Variants in AK7 observed in about 807,000 individuals in gnomAD.
The protein encoded by AK7 is ATP-AMP transphosphorylase 7.
Under a neutral mutation model 96.6 loss-of-function variants are expected in AK7, and 78 were observed. The observed-to-expected ratio is 0.81, with a 90% CI of 0.67 to 0.97. The LOEUF is 0.97. Ranked by LOEUF, AK7 falls within the 50% of genes least tolerant of loss-of-function variation. The pLI, the probability that AK7 is intolerant of heterozygous loss-of-function variation, is 0.00. For synonymous variants in AK7, 302 were observed against 317.2 expected (o/e 0.95, Z 0.51); for missense variants, 855 against 887.9 (o/e 0.96, Z 0.47).
intron 14 of AK7, among the ~76,000 whole-genome samples, chr14:96,476,786 T>C (rs1162207241): frequency 6.6e-6 from 1 of 152,202 alleles, no homozygotes; most frequent in Admixed American, 6.5e-5. Flanking sequence ...AAGCCAAGGA[T>C]GTTACTCATT....
Position 96,442,724 on chromosome 14 carries a change from T to C in AK7, c.691-6T>C. ...GGGGACATGATTTTGCTTTTCTTCC[T>C]TTCAGATGGCTTGGTTGGGCGAGAT... On this transcript the variant is annotated splice_region_variant and splice_polypyrimidine_tract_variant and intron_variant, in intron 6 of 17. Coordinates refer to ENST00000267584, the MANE Select transcript of AK7 (RefSeq NM_152327.5). 6.2e-7 allele frequency: 1 copy of C among 1,613,758 alleles called. No individual in the cohort carries two copies. Among genetic ancestry groups the C allele is most frequent in the South Asian group, 1.1e-5 (1 of 91,082 alleles).
chr14:96,418,463 C>T (rs1891483193), intron 4 of AK7, among the ~76,000 whole-genome samples: 1 of 130,024 alleles, frequency 7.7e-6, no homozygotes, highest in East Asian at 2.0e-4. Flanking sequence ...AGCTTGGCTC[C>T]AGTCATTTTC....
At chr14:96,409,686 C>T (rs1288877544) in intron 4 of AK7, among the ~76,000 whole-genome samples, 2 of 152,180 alleles carry the variant, frequency 1.3e-5, no homozygotes, top group African/African-American at 2.4e-5. Flanking sequence ...CTGTCTTTTT[C>T]CACACAACTC....
intron 3 of AK7, among the ~76,000 whole-genome samples, chr14:96,407,952 A>C (rs1249427605): frequency 1.3e-5 from 2 of 152,158 alleles, no homozygotes; most frequent in Non-Finnish European, 2.9e-5. Context: ...ATTCAAGGAG[A>C]ATCAATGCTT....
intron 12 of AK7, among the ~76,000 whole-genome samples, chr14:96,465,296 C>G (rs1894497361): frequency 6.6e-6 from 1 of 151,976 alleles, no homozygotes; most frequent in Non-Finnish European, 1.5e-5. Flanking sequence ...CCCGTCTCTA[C>G]TAAAAAATAC....
intron 2 of AK7, chr14:96,398,466 A>G: frequency 1.7e-6 from 1 of 601,780 alleles, no homozygotes; most frequent in South Asian, 2.0e-5. Flanking sequence ...AAGAGTTTAA[A>G]TTAGATAGTG....
chr14:96,409,429 G>GTGT (rs1890910769), intron 4 of AK7, among the ~76,000 whole-genome samples: 1 of 152,064 alleles, frequency 6.6e-6, no homozygotes, highest in African/African-American at 2.4e-5. Flanking sequence ...AAAATTACCT[G>GTGT]GGCGTGGTGC....
intron 7 of AK7, among the ~76,000 whole-genome samples, chr14:96,445,000 G>A (rs1216270385): frequency 1.3e-5 from 2 of 152,204 alleles, no homozygotes; most frequent in Non-Finnish European, 2.9e-5. Context: ...TTACAGGCGT[G>A]AGCCACCACG....
intron 14 of AK7, among the ~76,000 whole-genome samples, chr14:96,476,391 G>C (rs946869232): frequency 6.6e-6 from 1 of 151,728 alleles, no homozygotes; most frequent in Non-Finnish European, 1.5e-5. Flanking sequence ...TATAATCCCA[G>C]CTACTTGGGA....
chr14:96,484,662 CTG>C (rs1895679844), intron 16 of AK7, among the ~76,000 whole-genome samples: 1 of 152,204 alleles, frequency 6.6e-6, no homozygotes, highest in South Asian at 2.1e-4. Flanking sequence ...TTCCTGGTCT[CTG>C]TAAAATTCAA....
chr14:96,463,592 C>A (rs1008965382), intron 12 of AK7, among the ~76,000 whole-genome samples: 18 of 150,958 alleles, frequency 1.2e-4, no homozygotes, highest in South Asian at 4.2e-4. Context: ...TGGTGGCGGG[C>A]GCCTGTAGTC....
chr14:96,433,678 T>C (rs1225044906), intron 5 of AK7, among the ~76,000 whole-genome samples: 1 of 152,224 alleles, frequency 6.6e-6, no homozygotes, highest in Non-Finnish European at 1.5e-5. Flanking sequence ...TTCTGTCAAC[T>C]CGTCAAAGTC....
In AK7 at chr14:96,451,539, T is replaced by C; in HGVS notation, c.1067T>C (p.Leu356Pro). The C allele has an allele frequency of 6.3e-7, 1 of 1,580,246 alleles. No individual in the cohort carries two copies. The highest frequency in any genetic ancestry group is 8.6e-7 in the Non-Finnish European group (1 of 1,161,058). Residue 356 changes from leucine (L) to proline (P), a missense_variant, in exon 10 of 18, where the codon CTC becomes CCC. By Grantham distance (98) the Leu-to-Pro change is moderately conservative. Coordinates refer to ENST00000267584, the MANE Select transcript of AK7 (RefSeq NM_152327.5). ...TGFVENINTI[L>P]KEYKQSRGLM... ...TTTGTGGAAAATATCAACACTATCC[T>C]CAAGGAGTACAAGCAAAGCAGAGGA...
intron 1 of AK7, 61 bp downstream of exon 1, chr14:96,392,320 C>T: frequency 1.4e-6 from 2 of 1,479,112 alleles, no homozygotes; most frequent in East Asian, 2.3e-5. Context: ...CCTCGGCCCC[C>T]GGTCCGCAAA....
chr14:96,467,503 T>C (rs1468344575), intron 12 of AK7, among the ~76,000 whole-genome samples: 4 of 151,958 alleles, frequency 2.6e-5, no homozygotes, highest in Non-Finnish European at 4.4e-5. Flanking sequence ...ACCCGGCTAA[T>C]TTTTTTGTAT....
chr14:96,433,959 T>C (rs1892498687), intron 5 of AK7, among the ~76,000 whole-genome samples: 1 of 152,234 alleles, frequency 6.6e-6, no homozygotes, highest in African/African-American at 2.4e-5. Flanking sequence ...ATTCCTTCTC[T>C]GTGTTTTCTT....
At chr14:96,431,949 G>C in intron 5 of AK7, among the ~76,000 whole-genome samples, 2 of 152,072 alleles carry the variant, frequency 1.3e-5, no homozygotes. Flanking sequence ...TCCTGTATTG[G>C]GTGCATATAT....
chr14:96,471,199 G>T (rs558199306), intron 12 of AK7, among the ~76,000 whole-genome samples: 12 of 152,072 alleles, frequency 7.9e-5, no homozygotes, highest in East Asian at 7.7e-4. Flanking sequence ...GGGCATGGTG[G>T]CAAGCGCCTA....
chr14:96,478,952 A>G (rs980746716), intron 15 of AK7, among the ~76,000 whole-genome samples: 3 of 150,936 alleles, frequency 2.0e-5, no homozygotes, highest in Non-Finnish European at 2.9e-5. Flanking sequence ...TCAGTTGCCC[A>G]AGCTGGAGTG....
Sources: gnomAD v4.1 joint callset for allele counts (sites outside exome capture counted in the v4.1 genomes callset) on GRCh38, gnomAD v4.1.1 for gene constraint, MANE v1.5 for transcripts, NCBI Gene and HGNC (gene_info 2026-07-23, HGNC 2026-07-21) for gene names.